Variants in SUGCT observed in about 807,000 individuals in gnomAD.
The protein encoded by SUGCT is succinyl-CoA:glutarate-CoA transferase, also known as succinyl-CoA:glutarate CoA-transferase.
Under a neutral mutation model 55.0 loss-of-function variants are expected in SUGCT, and 41 were observed. The ratio of observed to expected loss-of-function variants is 0.74; its 90% CI spans 0.58 to 0.97. The LOEUF (loss-of-function observed/expected upper bound fraction) is 0.97. Among genes scored for constraint, SUGCT ranks in the 50% least tolerant of loss-of-function variants. The pLI, the probability that SUGCT is intolerant of heterozygous loss-of-function variation, is 0.00. For missense variants in SUGCT, 568 were observed against 547.8 expected, an observed-to-expected ratio of 1.04 and a Z score of -0.37; for synonymous variants, 187 against 200.4, an observed-to-expected ratio of 0.93 and a Z score of 0.56.
intron 9 of SUGCT, among the ~76,000 whole-genome samples, chr7:40,400,278 C>G (rs1444893371): frequency 6.6e-6 from 1 of 151,892 alleles, no homozygotes; most frequent in African/African-American, 2.4e-5. Flanking sequence ...ATAAGTGAGG[C>G]TAGATATTAT....
chr7:40,436,730 T>A (rs1788196023), intron 9 of SUGCT, among the ~76,000 whole-genome samples: 1 of 152,208 alleles, frequency 6.6e-6, no homozygotes. Context: ...GCTCAAGGAA[T>A]TTTTACCTTG....
intron 13 of SUGCT, among the ~76,000 whole-genome samples, chr7:40,838,462 A>G (rs1793103850): frequency 6.6e-6 from 1 of 152,218 alleles, no homozygotes; most frequent in African/African-American, 2.4e-5. Context: ...AATGTTCAGC[A>G]TACTTAAAAG....
intron 13 of SUGCT, among the ~76,000 whole-genome samples, chr7:40,848,746 G>T (rs1315647987): frequency 6.6e-6 from 1 of 152,142 alleles, no homozygotes; most frequent in Non-Finnish European, 1.5e-5. Flanking sequence ...TGGGACGCCT[G>T]GTCCCGTAAG....
chr7:40,570,870 T>TA (rs1034871878), intron 12 of SUGCT, among the ~76,000 whole-genome samples: 2 of 141,260 alleles, frequency 1.4e-5, no homozygotes, highest in Non-Finnish European at 3.1e-5. Context: ...TTTTTTTTTT[T>TA]TTTTTTTCAG....
At chr7:40,525,716 T>A (rs1380462441) in intron 12 of SUGCT, among the ~76,000 whole-genome samples, 1 of 152,210 alleles carries the variant, frequency 6.6e-6, no homozygotes, top group Non-Finnish European at 1.5e-5. Flanking sequence ...GTTATAGAAC[T>A]AAATAAAGGG....
intron 9 of SUGCT, among the ~76,000 whole-genome samples, chr7:40,431,041 C>T (rs946220819): frequency 6.6e-6 from 1 of 151,160 alleles, no homozygotes; most frequent in Non-Finnish European, 1.5e-5. Context: ...TCTCTTGAAC[C>T]CAGGAGACGG....
intron 12 of SUGCT, among the ~76,000 whole-genome samples, chr7:40,702,034 C>T (rs1373415178): frequency 1.3e-5 from 2 of 152,214 alleles, no homozygotes; most frequent in African/African-American, 2.4e-5. Context: ...GTTACATCAT[C>T]ACAGGATTCA....
At chr7:40,510,713 A>G (rs1397177367) in intron 12 of SUGCT, among the ~76,000 whole-genome samples, 3 of 152,196 alleles carry the variant, frequency 2.0e-5, no homozygotes, top group Non-Finnish European at 4.4e-5. Context: ...AATGGATTAT[A>G]CTTTTCGGAA....
chr7:40,755,620 A>T (rs1416335150), intron 13 of SUGCT, among the ~76,000 whole-genome samples: 1 of 152,216 alleles, frequency 6.6e-6, no homozygotes, highest in Non-Finnish European at 1.5e-5. Context: ...GGAGGTGCCA[A>T]GTTAGCATTG....
At chr7:40,977,538 G>C in the SUGCT span, among the ~76,000 whole-genome samples, 2 of 152,168 alleles carry the variant, frequency 1.3e-5, no homozygotes, top group African/African-American at 2.4e-5. Flanking sequence ...TAGGGCTTCA[G>C]TATTTCTCAA....
At chr7:40,208,638 G>A (rs1350625620) in intron 6 of SUGCT, among the ~76,000 whole-genome samples, 5 of 151,724 alleles carry the variant, frequency 3.3e-5, no homozygotes, top group Non-Finnish European at 5.9e-5. Context: ...TCCGCCTCCC[G>A]GGTTCAAGCA....
intron 7 of SUGCT, among the ~76,000 whole-genome samples, chr7:40,261,619 A>G (rs1180183948): frequency 6.6e-6 from 1 of 152,208 alleles, no homozygotes; most frequent in Non-Finnish European, 1.5e-5. Flanking sequence ...GGAGATACTT[A>G]AAGAGAGGTA....
chr7:40,775,013 T>C (rs1263189354), intron 13 of SUGCT, among the ~76,000 whole-genome samples: 2 of 152,246 alleles, frequency 1.3e-5, no homozygotes, highest in African/African-American at 4.8e-5. Context: ...AGTAGCAATC[T>C]ATACTTATTT....
At chr7:40,641,288 A>T (rs541841442) in intron 12 of SUGCT, among the ~76,000 whole-genome samples, 9 of 152,330 alleles carry the variant, frequency 5.9e-5, no homozygotes, top group African/African-American at 1.9e-4. Flanking sequence ...AAAGCAAAAG[A>T]CTAAAAATTG....
chr7:40,682,667 GT>G (rs1453560730), intron 12 of SUGCT, among the ~76,000 whole-genome samples: 3 of 151,676 alleles, frequency 2.0e-5, no homozygotes, highest in South Asian at 2.1e-4. Context: ...AAAACACTTT[GT>G]TTTTTTTCTA....
At position 40,703,977 on chromosome 7, in the gene SUGCT, G is replaced by A. The variant is rs145303052; in HGVS notation, c.1090-45457G>A. On this transcript the variant is annotated intron_variant, in intron 12 of 13. Coordinates refer to ENST00000335693, the MANE Select transcript of SUGCT (RefSeq NM_001193313.2). The stretch of plus-strand genomic sequence containing the variant: ...AACTATAGGAGCAGCTGACCTGACC[G>A]GAGGAGACTTGTACGGTGGATCCTC... Among the ~76,000 whole-genome samples the A allele has an allele frequency of 6.0e-3, 919 of 152,340 alleles. 6 individuals are homozygous for A. The highest frequency in any genetic ancestry group is 0.017 in the Middle Eastern group (5 of 294).
chr7:40,622,232 G>T (rs905475740), intron 12 of SUGCT, among the ~76,000 whole-genome samples: 2 of 152,196 alleles, frequency 1.3e-5, no homozygotes, highest in African/African-American at 4.8e-5. Flanking sequence ...GCCAATTAGT[G>T]CCTTTCACAT....
chr7:40,596,565 T>G (rs1337682900), intron 12 of SUGCT, among the ~76,000 whole-genome samples: 2 of 152,176 alleles, frequency 1.3e-5, no homozygotes, highest in East Asian at 3.8e-4. Flanking sequence ...CAAGAAAATA[T>G]GACTCTTCTC....
intron 12 of SUGCT, among the ~76,000 whole-genome samples, chr7:40,747,249 A>T (rs1202768279): frequency 6.6e-6 from 1 of 152,156 alleles, no homozygotes; most frequent in Non-Finnish European, 1.5e-5. Flanking sequence ...TCACCCGAAA[A>T]GTGGTAACCA....
Sources: allele counts gnomAD v4.1 joint callset (sites outside exome capture counted in the v4.1 genomes callset), GRCh38; gene constraint gnomAD v4.1.1; transcripts MANE v1.5; gene names NCBI Gene and HGNC (gene_info 2026-07-23, HGNC 2026-07-21).